The following MCTP1 variants were observed in gnomAD, a reference collection of about 807,000 sequenced individuals.
MCTP1 encodes the protein multiple C2 and transmembrane domain-containing protein 1.
A neutral mutation model predicts 120.6 loss-of-function variants in MCTP1; 69 were observed. That is an observed-to-expected ratio of 0.57 (90% CI 0.47 to 0.70). The LOEUF is 0.70. Among genes scored for constraint, MCTP1 ranks in the 30% least tolerant of loss-of-function variants. The probability of loss-of-function intolerance (pLI) is 0.00; values close to 1 mark genes in which losing one functional copy is unlikely to be tolerated. For synonymous variants in MCTP1, 529 were observed against 493.1 expected, an observed-to-expected ratio of 1.07 and a Z score of -0.96; for missense variants, 1,203 against 1,248.8, an observed-to-expected ratio of 0.96 and a Z score of 0.55.
intron 10 of MCTP1, among the ~76,000 whole-genome samples, chr5:94,899,096 T>C (rs950216532): frequency 6.6e-6 from 1 of 152,220 alleles, no homozygotes; most frequent in African/African-American, 2.4e-5. Flanking sequence ...AATTTCAAAT[T>C]GTATTGCAAA....
At chr5:94,951,368 T>C (rs1820531774) in intron 3 of MCTP1, among the ~76,000 whole-genome samples, 1 of 152,212 alleles carries the variant, frequency 6.6e-6, no homozygotes, top group Non-Finnish European at 1.5e-5. Flanking sequence ...CAATATCTAA[T>C]ATAATTTGAG....
chr5:94,941,103 T>C (rs1817606386), intron 4 of MCTP1, among the ~76,000 whole-genome samples: 1 of 152,036 alleles, frequency 6.6e-6, no homozygotes, highest in African/African-American at 2.4e-5. Context: ...TAAAATTATT[T>C]TTCACCGATG....
chr5:95,218,134 T>C (rs1276690298), intron 1 of MCTP1, among the ~76,000 whole-genome samples: 1 of 152,216 alleles, frequency 6.6e-6, no homozygotes, highest in Non-Finnish European at 1.5e-5. Context: ...CTTCAAGGAA[T>C]TTCTAGTCCT....
intron 10 of MCTP1, among the ~76,000 whole-genome samples, chr5:94,898,228 C>T (rs1428473262): frequency 6.6e-6 from 1 of 152,008 alleles, no homozygotes; most frequent in Non-Finnish European, 1.5e-5. Flanking sequence ...ATATATCAGC[C>T]AAGAAAGTAT....
In MCTP1 at chr5:95,000,552, T is replaced by C. The variant is rs557147657; in HGVS notation, c.838+16815A>G. ...TGGCTAATGTGTGTGTTTGTGTCTT[T>C]GCTTTTAACAAAAAAGTCTAAAATG... On this transcript the variant is annotated intron_variant, in intron 2 of 22. Transcript: ENST00000515393. 9.2e-5 allele frequency among the ~76,000 whole-genome samples: 14 copies of C among 152,264 alleles called. No individual in the cohort carries two copies. In the East Asian group the frequency reaches 2.7e-3, roughly 29 times the overall value.
At chr5:95,222,082 TAA>T (rs889980808) in intron 1 of MCTP1, among the ~76,000 whole-genome samples, 1 of 152,180 alleles carries the variant, frequency 6.6e-6, no homozygotes, top group Admixed American at 6.5e-5. Flanking sequence ...TTCAAACAAA[TAA>T]AAAGACTGGA....
At chr5:95,055,765 A>T (rs138987620) in intron 1 of MCTP1, among the ~76,000 whole-genome samples, 1 of 152,354 alleles carries the variant, frequency 6.6e-6, no homozygotes, top group East Asian at 1.9e-4. Context: ...TAATATCATT[A>T]GGCCTCAGTT....
chr5:94,912,695 A>G, intron 9 of MCTP1, 111 bp downstream of exon 9: 6 of 822,708 alleles, frequency 7.3e-6, no homozygotes, highest in Non-Finnish European at 1.1e-5. Flanking sequence ...TGTTCAAAAG[A>G]GTTTGTTAAG....
At position 94,912,954 on chromosome 5, in the gene MCTP1, A is replaced by T. The variant is rs1319833767; in HGVS notation, c.1373T>A (p.Leu458Gln). 1 of 1,593,250 alleles carries T rather than the reference A, an allele frequency of 6.3e-7. No individual in the cohort carries two copies. ...NVQFQTQSLR[L>Q]SDLHRKSHLW... ...ATGCGATTTTCTGTGTAGGTCTGAT[A>T]GGCGTAAACTTTGGGTCTGAAACTT... The change falls in exon 9 of 23, where the codon CTA becomes CAA. Residue 458 changes from leucine to glutamine, a missense_variant. Around this residue, in one of 2 missense-constraint regions of MCTP1, gnomAD observed 740 missense variants for 871.1 expected, o/e 0.85. Coordinates refer to ENST00000515393, the MANE Select transcript of MCTP1 (RefSeq NM_024717.7).
chr5:94,715,106 A>C (rs1389449323), intron 19 of MCTP1, among the ~76,000 whole-genome samples: 1 of 152,042 alleles, frequency 6.6e-6, no homozygotes, highest in East Asian at 1.9e-4. Flanking sequence ...GATGGCTGCA[A>C]AGCAAGAGCC....
intron 1 of MCTP1, among the ~76,000 whole-genome samples, chr5:95,056,225 A>AC (rs1186745722): frequency 6.6e-6 from 1 of 152,228 alleles, no homozygotes. Context: ...CTCTTAATAC[A>AC]TCCACTTGAA....
chr5:95,178,165 A>T (rs1056348747), intron 1 of MCTP1, among the ~76,000 whole-genome samples: 1 of 151,958 alleles, frequency 6.6e-6, no homozygotes, highest in Non-Finnish European at 1.5e-5. Flanking sequence ...TGAGAACCAC[A>T]CTCCCATCCC....
intron 2 of MCTP1, among the ~76,000 whole-genome samples, chr5:95,012,175 A>G (rs373328153): frequency 1.3e-5 from 2 of 152,138 alleles, no homozygotes; most frequent in East Asian, 3.9e-4. Context: ...ATCTGTATAT[A>G]TATTAATAAA....
intron 1 of MCTP1, among the ~76,000 whole-genome samples, chr5:95,037,056 C>T (rs1366111306): frequency 1.3e-5 from 2 of 152,110 alleles, no homozygotes; most frequent in African/African-American, 4.8e-5. Context: ...CATTTAAATG[C>T]CAACATGGAA....
At chr5:94,937,424 G>T (rs1018308779) in intron 5 of MCTP1, among the ~76,000 whole-genome samples, 31 of 151,976 alleles carry the variant, frequency 2.0e-4, no homozygotes, top group Non-Finnish European at 4.0e-4. Flanking sequence ...GAGATACGAT[G>T]AAGAGAAAGG....
chr5:94,848,675 A>T (rs1793021927), intron 17 of MCTP1, among the ~76,000 whole-genome samples: 1 of 152,112 alleles, frequency 6.6e-6, no homozygotes, highest in South Asian at 2.1e-4. Context: ...TTTATTGACA[A>T]AGGTGGTTGC....
chr5:94,859,553 A>C (rs548024664), intron 17 of MCTP1, among the ~76,000 whole-genome samples: 1 of 151,912 alleles, frequency 6.6e-6, no homozygotes, highest in South Asian at 2.1e-4. Context: ...ATATCACACT[A>C]TATGCCATAA....
At chr5:94,939,731 G>A (rs934613386) in intron 5 of MCTP1, among the ~76,000 whole-genome samples, 19 of 151,780 alleles carry the variant, frequency 1.3e-4, no homozygotes, top group Non-Finnish European at 2.5e-4. Context: ...AAAACAGCAG[G>A]GTCTGGATAC....
chr5:94,739,311 G>A (rs1020462521), intron 19 of MCTP1: 3 of 152,260 alleles, frequency 2.0e-5, no homozygotes, highest in Admixed American at 6.5e-5. Context: ...CGATCAACAG[G>A]GCATAGGATT....
Sources: gnomAD v4.1 joint callset for allele counts (sites outside exome capture counted in the v4.1 genomes callset) on GRCh38, gnomAD v4.1.1 for gene constraint, gnomAD v4.1.1 regional missense constraint, MANE v1.5 for transcripts, NCBI Gene and HGNC (gene_info 2026-07-23, HGNC 2026-07-21) for gene names.